Variants in MIR2052HG observed in about 807,000 individuals in gnomAD.
MIR2052HG encodes the protein MIR2052 host gene.
At chr8:74,664,646 TA>T (rs1355344999) in intron 2 of MIR2052HG, among the ~76,000 whole-genome samples, 3 of 152,110 alleles carry the variant, frequency 2.0e-5, no homozygotes, top group African/African-American at 7.2e-5. Context: ...GCCTCCTGAG[TA>T]GCTGGGATTA....
chr8:74,743,271 A>G (rs1379657201), intron 4 of MIR2052HG, among the ~76,000 whole-genome samples: 1 of 152,154 alleles, frequency 6.6e-6, no homozygotes, highest in African/African-American at 2.4e-5. Flanking sequence ...GAAAATAAAC[A>G]TAAAGAAGTA....
intron 5 of MIR2052HG, among the ~76,000 whole-genome samples, chr8:74,754,077 T>G (rs1190977916): frequency 1.3e-5 from 2 of 152,214 alleles, no homozygotes; most frequent in African/African-American, 4.8e-5. Flanking sequence ...TTTTGCAGTA[T>G]CTCGAGCAAG....
rs112721821 is a variant in MIR2052HG, at chr8:74,738,780, G to A, written n.372-13661G>A. ...GAGAAAGAGGGATCATTGATTGAAA[G>A]TAGCTTCCTACAGTGGGCATATAAT... On this transcript the variant is annotated intron_variant and non_coding_transcript_variant, in intron 4 of 6. Transcript: ENST00000523442. Among the ~76,000 whole-genome samples the A allele has an allele frequency of 1.8e-4, 27 of 152,300 alleles. 4 individuals carry two copies. Among genetic ancestry groups the A allele is most frequent in the African/African-American group, 6.3e-4 (26 of 41,570 alleles).
intron 4 of MIR2052HG, among the ~76,000 whole-genome samples, chr8:74,720,997 A>G (rs1422251009): frequency 6.6e-6 from 1 of 152,196 alleles, no homozygotes; most frequent in Non-Finnish European, 1.5e-5. Context: ...ATGTGGGATT[A>G]CAATTCAATA....
intron 1 of MIR2052HG, among the ~76,000 whole-genome samples, chr8:74,600,795 C>G (rs527948863): frequency 6.6e-6 from 1 of 151,884 alleles, no homozygotes. Context: ...AGGATGGTCT[C>G]GATCTCCTGA....
At chr8:74,616,987 T>C (rs1212174448) in intron 2 of MIR2052HG, among the ~76,000 whole-genome samples, 1 of 152,164 alleles carries the variant, frequency 6.6e-6, no homozygotes, top group African/African-American at 2.4e-5. Flanking sequence ...TCCTGGCCCT[T>C]ACAAAGTTTA....
At chr8:74,658,959 T>G (rs1378955881) in intron 2 of MIR2052HG, among the ~76,000 whole-genome samples, 1 of 152,220 alleles carries the variant, frequency 6.6e-6, no homozygotes, top group African/African-American at 2.4e-5. Context: ...AACAATTTAA[T>G]AAATTCTTTC....
chr8:74,708,697 A>G (rs1809434969), intron 4 of MIR2052HG, among the ~76,000 whole-genome samples: 1 of 152,018 alleles, frequency 6.6e-6, no homozygotes, highest in Non-Finnish European at 1.5e-5. Flanking sequence ...TAAATTACAC[A>G]GTTATGTATA....
At chr8:74,625,686 A>G (rs1485742440) in intron 2 of MIR2052HG, among the ~76,000 whole-genome samples, 1 of 152,234 alleles carries the variant, frequency 6.6e-6, no homozygotes, top group Non-Finnish European at 1.5e-5. Flanking sequence ...TAATAAAGTT[A>G]AAGAATATTC....
intron 4 of MIR2052HG, among the ~76,000 whole-genome samples, chr8:74,718,249 A>G (rs1487386981): frequency 6.6e-6 from 1 of 151,934 alleles, no homozygotes; most frequent in Non-Finnish European, 1.5e-5. Flanking sequence ...AAGGAAACAT[A>G]TTAGTAAGGA....
chr8:74,655,124 G>A (rs980650775), intron 2 of MIR2052HG, among the ~76,000 whole-genome samples: 5 of 152,128 alleles, frequency 3.3e-5, no homozygotes, highest in Non-Finnish European at 5.9e-5. Context: ...AAGCAGTAGA[G>A]CATTCAAGAG....
chr8:74,670,700 G>A (rs1204333324), intron 2 of MIR2052HG, among the ~76,000 whole-genome samples: 3 of 152,070 alleles, frequency 2.0e-5, no homozygotes, highest in Non-Finnish European at 2.9e-5. Context: ...CAGGAAGTTG[G>A]TATATGGTTA....
At chr8:74,684,675 C>A (rs1439354698) in intron 2 of MIR2052HG, among the ~76,000 whole-genome samples, 1 of 152,064 alleles carries the variant, frequency 6.6e-6, no homozygotes, top group Non-Finnish European at 1.5e-5. Flanking sequence ...TGTTGACTTG[C>A]AACCTTCAAC....
At chr8:74,752,110 C>T (rs954370648) in intron 4 of MIR2052HG, among the ~76,000 whole-genome samples, 1 of 151,546 alleles carries the variant, frequency 6.6e-6, no homozygotes, top group African/African-American at 2.4e-5. Flanking sequence ...GTGAAACCCC[C>T]ATTTCTGCAA....
chr8:74,678,270 G>A (rs1243758376), intron 2 of MIR2052HG, among the ~76,000 whole-genome samples: 4 of 152,080 alleles, frequency 2.6e-5, no homozygotes, highest in African/African-American at 7.2e-5. Context: ...TAGAAAGAAT[G>A]ATAACAGGCT....
intron 4 of MIR2052HG, among the ~76,000 whole-genome samples, chr8:74,719,806 A>G (rs1011742165): frequency 4.0e-5 from 6 of 151,086 alleles, no homozygotes; most frequent in Middle Eastern, 6.9e-3. Flanking sequence ...ATTTCTTTGA[A>G]GATTGCTTCT....
At chr8:74,652,072 C>T (rs1808759189) in intron 2 of MIR2052HG, among the ~76,000 whole-genome samples, 1 of 152,140 alleles carries the variant, frequency 6.6e-6, no homozygotes, top group Admixed American at 6.5e-5. Context: ...TACTGGAACC[C>T]CTGAAAGGCT....
intron 1 of MIR2052HG, chr8:74,603,918 A>G: frequency 9.0e-7 from 1 of 1,111,188 alleles, no homozygotes; most frequent in Admixed American, 1.7e-5. Flanking sequence ...TGAGAGAGCC[A>G]CACTGACTAG....
chr8:74,640,026 C>A (rs778130185), intron 2 of MIR2052HG, among the ~76,000 whole-genome samples: 6 of 152,160 alleles, frequency 3.9e-5, no homozygotes. Flanking sequence ...TCACCAACAG[C>A]TCCTTTAATG....
Sources: allele counts gnomAD v4.1 joint callset (sites outside exome capture counted in the v4.1 genomes callset), GRCh38; gene constraint gnomAD v4.1.1; transcripts MANE v1.5; gene names NCBI Gene and HGNC (gene_info 2026-07-23, HGNC 2026-07-21).